Variants in PEX6 observed in about 807,000 individuals in gnomAD.
PEX6 encodes peroxisomal biogenesis factor 6, also known as peroxisome biogenesis factor 6.
In PEX6, 55 loss-of-function variants were observed where a neutral mutation model predicts 85.6. That is an observed-to-expected ratio of 0.64 (90% CI 0.52 to 0.80). The LOEUF (loss-of-function observed/expected upper bound fraction) is 0.80. PEX6 is among the 30% of genes least tolerant of loss of function. The probability of loss-of-function intolerance (pLI) is 0.00; values close to 1 mark genes in which losing one functional copy is unlikely to be tolerated. For missense variants in PEX6, 1,099 were observed against 1,260.3 expected (o/e 0.87, Z 1.94); for synonymous variants, 519 against 549.1 (o/e 0.95, Z 0.77).
Position 42,964,555 on chromosome 6 carries a change from C to G in PEX6, c.2807-84G>C. 5 of 1,517,116 alleles carry G rather than the reference C, an allele frequency of 3.3e-6. No individual in the cohort carries two copies. Among genetic ancestry groups the G allele is most frequent in the Non-Finnish European group, 4.6e-6 (5 of 1,096,372 alleles). The allele number at this position is 1,517,116 out of a possible 1,614,324, so 94.0% of individuals were successfully genotyped here. On this transcript the variant is annotated intron_variant, in intron 16 of 16. Transcript: ENST00000304611. The surrounding 1 kb of genome is among the most constrained non-coding windows in gnomAD (Gnocchi z 4.6). Reference sequence around the variant, plus strand: ...AAGGTGGCTTCCTGCTCAGGGTCTCCTAGATGTCAATGATCTTCCCTCTGG... The same window carrying G: ...AAGGTGGCTTCCTGCTCAGGGTCTCGTAGATGTCAATGATCTTCCCTCTGG...
intron 1 of PEX6, among the ~76,000 whole-genome samples, chr6:42,975,621 T>C (rs1192593983): frequency 1.3e-5 from 2 of 152,184 alleles, no homozygotes; most frequent in Non-Finnish European, 2.9e-5. Flanking sequence ...GAATAGTCTA[T>C]ATCTGCATGT....
In PEX6 at chr6:42,966,123, A is replaced by T. The variant is rs1226487392; in HGVS notation, c.2301-18T>A. The T allele has an allele frequency of 6.2e-7, 1 of 1,613,950 alleles. No homozygotes were observed. The highest frequency in any genetic ancestry group is 2.2e-5 in the East Asian group (1 of 44,872). ...CCTTCACGCTGAGTGAGAGGATGTG[A>T]GAAGGTGAGAGCCGTCAGATGCACA... is the stretch of plus-strand genomic sequence containing the variant. On this transcript the variant is annotated intron_variant, in intron 11 of 16. Transcript: ENST00000304611.
chr6:42,970,216 G>A (rs1770014284), intron 3 of PEX6, among the ~76,000 whole-genome samples: 1 of 152,216 alleles, frequency 6.6e-6, no homozygotes, highest in African/African-American at 2.4e-5. Context: ...ACAGCCATGA[G>A]AGCTCTGAGG....
At position 42,969,989 on chromosome 6, in the gene PEX6, T is replaced by C. The variant is rs1299653263; in HGVS notation, c.1131-2A>G. 1 of 1,613,474 alleles carries C rather than the reference T, an allele frequency of 6.2e-7. No individual in the cohort carries two copies. Among genetic ancestry groups the C allele is most frequent in the Admixed American group, 1.7e-5 (1 of 60,006 alleles). ...ACTTTAAAAAACATTTCCCGCCACC[T>C]GCAGGAAAAAGGCCCAATGAACCCC... On this transcript the variant is annotated splice_acceptor_variant, in intron 3 of 16. Coordinates refer to ENST00000304611, the MANE Select transcript of PEX6 (RefSeq NM_000287.4). LOFTEE classifies it high-confidence loss of function.
rs559426189 is a variant in PEX6, at chr6:42,967,475, C to T, written c.1777G>A (p.Val593Met). ...CGCTGCCCCTCTGACAGAGCAGGCA[C>T]CTCGAGCTCATGAGGAAATGCTGTC... is the stretch of plus-strand genomic sequence containing the variant. ...VQTAFPHELE[V>M]PALSEGQRLS... Residue 593 changes from valine (V) to methionine (M), a missense_variant, in exon 8 of 17, where the codon GTG (valine) becomes ATG (methionine). This residue lies in a region of PEX6 where 514 missense variants were observed against 627.0 expected (regional missense o/e 0.82). Transcript: ENST00000304611. 1 of 1,611,460 alleles carries T rather than the reference C, an allele frequency of 6.2e-7. No individual in the cohort carries two copies. Among genetic ancestry groups the T allele is most frequent in the Non-Finnish European group, 8.5e-7 (1 of 1,179,196 alleles).
intron 1 of PEX6, among the ~76,000 whole-genome samples, chr6:42,977,658 T>C (rs1395414575): frequency 6.8e-6 from 1 of 146,076 alleles, no homozygotes. Context: ...CGCGAGCCAG[T>C]AGTAGGAGGC....
rs1052860167 is a variant in PEX6 at position 42,970,007 on chromosome 6, T to A, written c.1131-20A>T. On this transcript the variant is annotated intron_variant, in intron 3 of 16. Transcript: ENST00000304611. ...CGCCACCTGCAGGAAAAAGGCCCAA[T>A]GAACCCCAGATCCAGAGTCCAAAAA... 6.2e-6 allele frequency: 10 copies of A among 1,602,024 alleles called. No individual in the cohort carries two copies. Among genetic ancestry groups the A allele is most frequent in the Non-Finnish European group, 7.7e-6 (9 of 1,169,126 alleles).
rs965913951 is a variant in PEX6 at position 42,965,107 on chromosome 6, G to A, written c.2634C>T (p.Ser878=). The change falls in exon 15 of 17, where the codon TCC becomes TCT. Residue 878 remains serine, a synonymous_variant. Transcript: ENST00000304611. The surrounding 1 kb of genome is among the most constrained non-coding windows in gnomAD (Gnocchi z 5.0). ...VFVGANEDRA[S]QLRVLSAITR... The stretch of plus-strand genomic sequence containing the variant: ...TGATGGCACTTAGAACGCGTAGCTG[G>A]GAGGCCCGGTCCTCATTTGCCCCCA... 2 of 1,614,196 alleles carry A rather than the reference G, an allele frequency of 1.2e-6. No homozygotes were observed. Among genetic ancestry groups the A allele is most frequent in the African/African-American group, 1.3e-5 (1 of 75,046 alleles).
intron 1 of PEX6, 45 bp downstream of exon 1, chr6:42,978,224 G>T: frequency 6.3e-7 from 1 of 1,596,054 alleles, no homozygotes; most frequent in Non-Finnish European, 8.6e-7. Context: ...AGAGAAGAGG[G>T]TATAAGAAAG....
In PEX6 at chr6:42,978,739, C is replaced by T. The variant is rs763313055; in HGVS notation, c.412G>A (p.Val138Met). 2.7e-5 allele frequency: 42 copies of T among 1,537,028 alleles called. No homozygotes were observed. The highest frequency in any genetic ancestry group is 3.7e-5 in the Non-Finnish European group (42 of 1,147,492). Residue 138 changes from valine to methionine, a missense_variant, in exon 1 of 17, where the codon GTG (valine) becomes ATG (methionine). By Grantham distance (21) the Val-to-Met change is conservative. Around this residue, in one of 3 missense-constraint regions of PEX6, gnomAD observed 579 missense variants for 611.6 expected, o/e 0.95. Transcript: ENST00000304611. ...TGCAACGCCGGCCGCGTCTCCAGCA[C>T]CCGCGGTCCGGGCACTGGGAGGGTC... is the stretch of plus-strand genomic sequence containing the variant. ...GETLPVPGPR[V>M]LETRPALQGL... is the part of the protein sequence containing the mutation.
At chr6:42,966,019 G>T (rs370959567) in intron 12 of PEX6, 25 bp downstream of exon 12, 1 of 1,611,844 alleles carries the variant, frequency 6.2e-7, no homozygotes. Context: ...AGCATGGGAC[G>T]CCCTGCCCCT....
At chr6:42,970,401 A>C (rs139564172) in intron 3 of PEX6, among the ~76,000 whole-genome samples, 1 of 152,334 alleles carries the variant, frequency 6.6e-6, no homozygotes, top group Non-Finnish European at 1.5e-5. Flanking sequence ...CTTACTCAAT[A>C]ATCCACAAAA....
chr6:42,965,226 G>A lies in PEX6; in HGVS notation c.2588+26C>T. ...GGTGAAGGAGGCACAAAATGAGGGT[G>A]GAGATGAGCAGTACAAGGGGCCCAC... On this transcript the variant is annotated intron_variant, in intron 14 of 16. Coordinates refer to ENST00000304611, the MANE Select transcript of PEX6 (RefSeq NM_000287.4). This position sits in a 1 kb window ranked among gnomAD's most constrained non-coding sequence, Gnocchi z 5.0. 1.2e-6 allele frequency: 2 copies of A among 1,605,934 alleles called. No homozygotes were observed. Among genetic ancestry groups the A allele is most frequent in the South Asian group, 1.1e-5 (1 of 90,910 alleles).
At chr6:42,970,939 T>C (rs544270658) in intron 3 of PEX6, among the ~76,000 whole-genome samples, 1 of 152,258 alleles carries the variant, frequency 6.6e-6, no homozygotes, top group South Asian at 2.1e-4. Flanking sequence ...TAACGGGGAA[T>C]AGGATGGGTA....
rs761201792 is a variant in PEX6 at position 42,966,029 on chromosome 6, T to C, written c.2362+15A>G. The stretch of plus-strand genomic sequence containing the variant: ...TGGGAAGCATGGGACGCCCTGCCCC[T>C]CCCTGCTCACTCACCTTCCCGCACA... On this transcript the variant is annotated intron_variant, in intron 12 of 16. Coordinates refer to ENST00000304611, the MANE Select transcript of PEX6 (RefSeq NM_000287.4). The C allele has an allele frequency of 5.0e-6, 8 of 1,613,048 alleles. No homozygotes were observed. Among genetic ancestry groups the C allele is most frequent in the Non-Finnish European group, 6.8e-6 (8 of 1,179,792 alleles).
Position 42,965,859 on chromosome 6 carries a change from G to C in PEX6, c.2363-70C>G, listed in dbSNP as rs1349007512. The C allele has an allele frequency of 5.6e-6, 8 of 1,432,872 alleles. No individual in the cohort carries two copies. The African/African-American group carries it at 1.1e-4, about 20-fold the overall frequency. The allele number at this position is 1,432,872 out of a possible 1,614,324, so 88.8% of individuals were successfully genotyped here. A position where few individuals can be genotyped will look rare whatever the true frequency, so the allele number is the denominator to read the frequency against. On this transcript the variant is annotated intron_variant, in intron 12 of 16. Coordinates refer to ENST00000304611, the MANE Select transcript of PEX6 (RefSeq NM_000287.4). The surrounding 1 kb of genome is among the most constrained non-coding windows in gnomAD (Gnocchi z 5.0). Reference sequence around the variant, plus strand: ...GGGGGGTTGAAGTTAGGTGAGAGCAGGGAGGGAAACTGGGGCCTGACAATA... The same window carrying C: ...GGGGGGTTGAAGTTAGGTGAGAGCACGGAGGGAAACTGGGGCCTGACAATA...
rs1476931761 is a variant in PEX6, at chr6:42,979,167, C to T, written c.-17G>A. On this transcript the variant is annotated 5_prime_UTR_variant, in exon 1 of 17. Coordinates refer to ENST00000304611, the MANE Select transcript of PEX6 (RefSeq NM_000287.4). ...CAGCGCCATGGTGACAGGACACCAA[C>T]GAGGAGGGTGAAGGAGCGCAGCTTC... The T allele has an allele frequency of 5.1e-6, 8 of 1,573,210 alleles. No homozygotes were observed. The African/African-American group carries it at 5.4e-5, about 11-fold the overall frequency.
intron 6 of PEX6, 136 bp from the exon 7 acceptor site, chr6:42,968,634 A>G: frequency 1.2e-6 from 1 of 819,144 alleles, no homozygotes; most frequent in Non-Finnish European, 2.0e-6. Context: ...ACCCTGGCCA[A>G]GTCCTACCTC....
rs532009370 is a variant in PEX6, at chr6:42,974,017, T to C, written c.1116A>G (p.Pro372=). 3 of 1,613,822 alleles carry C rather than the reference T, an allele frequency of 1.9e-6. No individual in the cohort carries two copies. In the South Asian group the frequency reaches 3.3e-5, roughly 18 times the overall value. ...IGQVEILEGS[P]EKLPRWREMF... ...CAGCTGCATACCTGGGCAGTTTCTC[T>C]GGACTTCCTTCCAGGATCTCTACTT... Residue 372 remains proline, a synonymous_variant, in exon 3 of 17, where the codon CCA becomes CCG. Coordinates refer to ENST00000304611, the MANE Select transcript of PEX6 (RefSeq NM_000287.4).
Sources: allele counts gnomAD v4.1 joint callset (sites outside exome capture counted in the v4.1 genomes callset), GRCh38; gene constraint gnomAD v4.1.1; regional missense constraint gnomAD v4.1.1; non-coding constraint Gnocchi (gnomAD v3.1); transcripts MANE v1.5; gene names NCBI Gene and HGNC (gene_info 2026-07-23, HGNC 2026-07-21).